Variants in PYROXD2 observed in about 807,000 individuals in gnomAD.
The protein encoded by PYROXD2 is pyridine nucleotide-disulfide oxidoreductase domain-containing protein 2.
A neutral mutation model predicts 71.1 loss-of-function variants in PYROXD2; 69 were observed. That is an observed-to-expected ratio of 0.97 (90% CI 0.80 to 1.19). The LOEUF is 1.19. PYROXD2 is among the 50% of genes most tolerant of loss of function. The pLI is 0.00. For missense variants in PYROXD2, 745 were observed against 748.9 expected (o/e 0.99, Z 0.06); for synonymous variants, 287 against 302.7 (o/e 0.95, Z 0.54).
rs1843133120 is a variant in PYROXD2, at chr10:98,395,405, C to T, written c.673G>A (p.Ala225Thr). ...GAACCACTCACCTTGGTAATGGGAGCTGTGAGGACCTCATAATATCGGGGA... is the reference window on the plus strand; with the variant it reads ...GAACCACTCACCTTGGTAATGGGAGTTGTGAGGACCTCATAATATCGGGGA... Reference protein sequence around the residue: ...QLPRYYEVLTAPITKVLDQWF... With the variant: ...QLPRYYEVLTTPITKVLDQWF... Residue 225 changes from alanine (A) to threonine (T), a missense_variant, in exon 7 of 16, where the codon GCT (alanine) becomes ACT (threonine). By Grantham distance (58) the Ala-to-Thr change is moderately conservative (BLOSUM62 0). Coordinates refer to ENST00000370575, the MANE Select transcript of PYROXD2 (RefSeq NM_032709.3). 6.2e-7 allele frequency: 1 copy of T among 1,614,222 alleles called. No individual in the cohort carries two copies. Among genetic ancestry groups the T allele is most frequent in the Non-Finnish European group, 8.5e-7 (1 of 1,180,012 alleles).
chr10:98,391,931 C>A (rs1205299082), intron 10 of PYROXD2, among the ~76,000 whole-genome samples: 1 of 152,170 alleles, frequency 6.6e-6, no homozygotes, highest in East Asian at 1.9e-4. Context: ...GGCAAGCTGA[C>A]CCACAGCCAA....
chr10:98,400,198 C>T lies in PYROXD2; in HGVS notation c.375G>A (p.Glu125=), dbSNP rs1176301844. Residue 125 remains glutamate, a synonymous_variant, in exon 5 of 16, where the codon GAG becomes GAA. Transcript: ENST00000370575. ...NPYSFTPMLE[E]GAGSKVPRCL... ...ACCTGGGCACCTTGCTGCCTGCACC[C>T]TCTTCCAGCATGGGGGTGAAGGAGT... 6.2e-7 allele frequency: 1 copy of T among 1,613,212 alleles called. No homozygotes were observed. Among genetic ancestry groups the T allele is most frequent in the South Asian group, 1.1e-5 (1 of 90,764 alleles).
intron 6 of PYROXD2, among the ~76,000 whole-genome samples, chr10:98,397,043 G>C (rs1014187038): frequency 7.9e-5 from 12 of 152,158 alleles, no homozygotes; most frequent in Admixed American, 3.3e-4. Flanking sequence ...CACACACTCT[G>C]GTATTGACTC....
chr10:98,413,062 A>G, intron 1 of PYROXD2, among the ~76,000 whole-genome samples: 1 of 152,260 alleles, frequency 6.6e-6, no homozygotes, highest in Non-Finnish European at 1.5e-5. Flanking sequence ...GTTTTACTAC[A>G]TTTGACTGTT....
intron 4 of PYROXD2, among the ~76,000 whole-genome samples, chr10:98,400,760 A>G (rs1456922003): frequency 6.6e-6 from 1 of 152,170 alleles, no homozygotes; most frequent in African/African-American, 2.4e-5. Context: ...GCATCACTTA[A>G]CGATGGGGAT....
At chr10:98,402,408 T>A (rs1474775587) in intron 4 of PYROXD2, among the ~76,000 whole-genome samples, 1 of 152,216 alleles carries the variant, frequency 6.6e-6, no homozygotes, top group African/African-American at 2.4e-5. Flanking sequence ...TATGTGAAAA[T>A]CTATACTTAC....
chr10:98,393,101 G>C lies in PYROXD2; in HGVS notation c.786-18C>G. 6.6e-7 allele frequency: 1 copy of C among 1,506,916 alleles called. No homozygotes were observed. The allele number at this position is 1,506,916 out of a possible 1,614,324, so 93.3% of individuals were successfully genotyped here. A position where few individuals can be genotyped will look rare whatever the true frequency, so the allele number is the denominator to read the frequency against. On this transcript the variant is annotated intron_variant, in intron 8 of 15. Coordinates refer to ENST00000370575, the MANE Select transcript of PYROXD2 (RefSeq NM_032709.3). ...GCACATACCTGTGGACAGACCATCC[G>C]ACTCAGATCCTGGAGGTGGGATCTC...
At chr10:98,392,336 C>G in intron 10 of PYROXD2, 96 bp downstream of exon 10, 1 of 1,532,758 alleles carries the variant, frequency 6.5e-7, no homozygotes, top group Non-Finnish European at 8.7e-7. Flanking sequence ...TTTTGCATCT[C>G]ACACCCTGAT....
intron 4 of PYROXD2, among the ~76,000 whole-genome samples, chr10:98,405,410 A>C (rs943865340): frequency 3.6e-4 from 55 of 152,180 alleles, no homozygotes; most frequent in Non-Finnish European, 6.6e-4. Context: ...TATAAGTGGC[A>C]GGGTGGGTGA....
Position 98,384,881 on chromosome 10 carries a change from C to T in PYROXD2, c.1675+66G>A, listed in dbSNP as rs1055019810. ...CTTCATTGCTTAACTTCCTCCTTCT[C>T]CAAGTCTCTGGCCTCCAGTGAGCCC... On this transcript the variant is annotated intron_variant, in intron 15 of 15. Coordinates refer to ENST00000370575, the MANE Select transcript of PYROXD2 (RefSeq NM_032709.3). The T allele has an allele frequency of 1.3e-5, 19 of 1,510,024 alleles. No individual in the cohort carries two copies. In the African/African-American group the frequency reaches 1.8e-4, roughly 15 times the overall value. The allele number at this position is 1,510,024 out of a possible 1,614,324, so 93.5% of individuals were successfully genotyped here.
At chr10:98,385,299 C>T (rs1281499932) in intron 14 of PYROXD2, among the ~76,000 whole-genome samples, 2 of 152,198 alleles carry the variant, frequency 1.3e-5, no homozygotes, top group South Asian at 2.1e-4. Flanking sequence ...GTGGGGAACA[C>T]GAACTGAACG....
chr10:98,393,645 G>A (rs1396592862), intron 8 of PYROXD2, among the ~76,000 whole-genome samples: 2 of 152,118 alleles, frequency 1.3e-5, no homozygotes, highest in Non-Finnish European at 2.9e-5. Context: ...TGCTGCTGCA[G>A]TAGTGCCCCT....
chr10:98,400,644 C>G (rs572998254), intron 4 of PYROXD2, among the ~76,000 whole-genome samples: 1 of 152,282 alleles, frequency 6.6e-6, no homozygotes, highest in African/African-American at 2.4e-5. Flanking sequence ...CCACACTATG[C>G]CATGCCATGT....
chr10:98,401,060 C>T (rs1327522813), intron 4 of PYROXD2, among the ~76,000 whole-genome samples: 2 of 152,032 alleles, frequency 1.3e-5, no homozygotes, highest in Non-Finnish European at 2.9e-5. Context: ...CGAGACCAGC[C>T]TGGCCAATAT....
In PYROXD2 at chr10:98,407,948, C is replaced by G; in HGVS notation, c.197G>C (p.Arg66Pro). 1 of 1,611,140 alleles carries G rather than the reference C, an allele frequency of 6.2e-7. No individual in the cohort carries two copies. The highest frequency in any genetic ancestry group is 1.1e-5 in the South Asian group (1 of 90,164). The change falls in exon 3 of 16, where the codon CGC (arginine) becomes CCC (proline). Residue 66 changes from arginine (R) to proline (P), a missense_variant. Arg to Pro is a moderately radical substitution (Grantham distance 103). Coordinates refer to ENST00000370575, the MANE Select transcript of PYROXD2 (RefSeq NM_032709.3). The part of the protein sequence containing the change: ...LGVNTAVFER[R>P]HVIGGAAVTE... ...GACAGCTGCACCCCCGATCACATGG[C>G]GCCTCTCGAAGACGGCGGTGTTCAC...
At chr10:98,388,635 G>A in intron 12 of PYROXD2, 127 bp from the exon 13 acceptor site, 1 of 1,079,178 alleles carries the variant, frequency 9.3e-7, no homozygotes, top group Non-Finnish European at 1.3e-6. Context: ...TCGCTCTACA[G>A]CCACAGTGGT....
intron 1 of PYROXD2, among the ~76,000 whole-genome samples, chr10:98,412,758 A>T (rs534107099): frequency 1.3e-5 from 2 of 152,300 alleles, no homozygotes; most frequent in Non-Finnish European, 2.9e-5. Context: ...CATGTCAAGG[A>T]AAAGCTCACA....
intron 4 of PYROXD2, among the ~76,000 whole-genome samples, chr10:98,401,458 G>A (rs1250781182): frequency 6.6e-6 from 1 of 151,960 alleles, no homozygotes; most frequent in Non-Finnish European, 1.5e-5. Context: ...TATAGTACAC[G>A]TAGGCTACAC....
intron 4 of PYROXD2, among the ~76,000 whole-genome samples, chr10:98,401,917 G>T (rs1480962167): frequency 6.6e-6 from 1 of 152,104 alleles, no homozygotes; most frequent in Non-Finnish European, 1.5e-5. Flanking sequence ...TAAGGAAAAG[G>T]AATACTCTCT....
Sources: allele counts gnomAD v4.1 joint callset (sites outside exome capture counted in the v4.1 genomes callset), GRCh38; gene constraint gnomAD v4.1.1; transcripts MANE v1.5; gene names NCBI Gene and HGNC (gene_info 2026-07-23, HGNC 2026-07-21).